Variants in NEGR1 observed in about 807,000 individuals in gnomAD.
NEGR1 encodes the protein neuronal growth regulator 1.
NEGR1 carries 10 observed loss-of-function variants against 40.9 expected under a neutral mutation model. The observed-to-expected ratio is 0.24, with a 90% CI of 0.15 to 0.42. NEGR1 has a LOEUF of 0.42. Ranked by LOEUF, NEGR1 falls within the 10% of genes least tolerant of loss-of-function variation. NEGR1 has a pLI of 1.00. For synonymous variants in NEGR1, 185 were observed against 166.8 expected (o/e 1.11, Z -0.84); for missense variants, 352 against 438.9 (o/e 0.80, Z 1.77).
At chr1:71,536,065 C>T (rs72938089) in intron 6 of NEGR1, among the ~76,000 whole-genome samples, 6,782 of 151,594 alleles carry the variant, frequency 0.045, 510 homozygotes, top group African/African-American at 0.15. Context: ...AGAAATTAAG[C>T]AGACTGTTAG....
chr1:72,208,762 T>A (rs2100459449), intron 1 of NEGR1, among the ~76,000 whole-genome samples: 1 of 151,758 alleles, frequency 6.6e-6, no homozygotes, highest in South Asian at 2.1e-4. Flanking sequence ...ATTTAAAGAG[T>A]TTATTTAGGC....
intron 6 of NEGR1, among the ~76,000 whole-genome samples, chr1:71,560,375 C>A (rs1648407456): frequency 6.8e-6 from 1 of 146,526 alleles, no homozygotes; most frequent in Non-Finnish European, 1.5e-5. Context: ...ACAAATAAAA[C>A]TGATGCCCAT....
chr1:72,211,441 C>G (rs2100463618), intron 1 of NEGR1, among the ~76,000 whole-genome samples: 1 of 151,120 alleles, frequency 6.6e-6, no homozygotes, highest in East Asian at 2.0e-4. Flanking sequence ...AATACAAAAA[C>G]AGAGTTATCA....
intron 1 of NEGR1, among the ~76,000 whole-genome samples, chr1:72,043,478 T>C (rs1646973771): frequency 6.6e-6 from 1 of 151,830 alleles, no homozygotes; most frequent in African/African-American, 2.4e-5. Context: ...CATTTTCTTA[T>C]ACCTATATAT....
At chr1:72,036,373 T>A (rs751191943) in intron 1 of NEGR1, among the ~76,000 whole-genome samples, 1 of 152,032 alleles carries the variant, frequency 6.6e-6, no homozygotes, top group Non-Finnish European at 1.5e-5. Flanking sequence ...AAAGCCATAT[T>A]GGCTGGGCAC....
intron 1 of NEGR1, among the ~76,000 whole-genome samples, chr1:72,020,599 G>GA (rs141201440): frequency 0.17 from 26,422 of 151,906 alleles, 2,936 homozygotes; most frequent in East Asian, 0.44. Context: ...TCAAACAACA[G>GA]AAAAAGATAT....
chr1:71,754,243 A>G (rs951080083), intron 3 of NEGR1, among the ~76,000 whole-genome samples: 4 of 152,150 alleles, frequency 2.6e-5, no homozygotes, highest in Non-Finnish European at 5.9e-5. Flanking sequence ...TGTTGGTCAA[A>G]CAGAGCGCCT....
chr1:72,135,416 C>CCAAAAAAAAAAAAAAAAAAAAAAAAA (rs1650423798), intron 1 of NEGR1, among the ~76,000 whole-genome samples: 1 of 37,328 alleles, frequency 2.7e-5, no homozygotes, highest in Non-Finnish European at 5.6e-5. Context: ...AAAAAAAAAA[C>CCAAAAAAAAAAAAAAAAAAAAAAAAA]AAAACCAAAA....
chr1:71,537,001 G>A (rs982950156), intron 6 of NEGR1, among the ~76,000 whole-genome samples: 1 of 151,540 alleles, frequency 6.6e-6, no homozygotes, highest in Non-Finnish European at 1.5e-5. Context: ...ATACTATTCA[G>A]AGTTCATTGA....
At chr1:71,919,345 A>G (rs1480524007) in intron 2 of NEGR1, among the ~76,000 whole-genome samples, 1 of 152,218 alleles carries the variant, frequency 6.6e-6, no homozygotes, top group Non-Finnish European at 1.5e-5. Flanking sequence ...GGACAGCCTC[A>G]TAGTAATGCT....
chr1:71,802,248 T>C (rs758918822), intron 2 of NEGR1, among the ~76,000 whole-genome samples: 2 of 152,076 alleles, frequency 1.3e-5, no homozygotes, highest in Non-Finnish European at 2.9e-5. Context: ...TTTAGAGAAT[T>C]ATCAGTTTAT....
Position 72,193,220 on chromosome 1 carries a change from T to C in NEGR1, c.176+89099A>G, listed in dbSNP as rs12125180. ...GTCGATGTCACCAAGGTAACACTGATGCTTTATAATTGAAAAGCAAAACAA... is the reference window on the plus strand; with the variant it reads ...GTCGATGTCACCAAGGTAACACTGACGCTTTATAATTGAAAAGCAAAACAA... On this transcript the variant is annotated intron_variant, in intron 1 of 6. Coordinates refer to ENST00000357731, the MANE Select transcript of NEGR1 (RefSeq NM_173808.3). 3.6e-3 allele frequency among the ~76,000 whole-genome samples: 543 copies of C among 151,948 alleles called. 5 individuals are homozygous for C. The highest frequency in any genetic ancestry group is 2.8e-3 in the Non-Finnish European group (189 of 67,838).
intron 4 of NEGR1, among the ~76,000 whole-genome samples, chr1:71,666,013 C>T (rs1405350034): frequency 6.6e-6 from 1 of 152,120 alleles, no homozygotes; most frequent in East Asian, 1.9e-4. Flanking sequence ...CAATAAAAAA[C>T]TAGAGACAGC....
intron 1 of NEGR1, among the ~76,000 whole-genome samples, chr1:72,095,609 G>A (rs182460908): frequency 2.9e-4 from 44 of 151,954 alleles, no homozygotes; most frequent in Middle Eastern, 3.4e-3. Flanking sequence ...TTTGAAAGTC[G>A]AAACCTCTCC....
intron 1 of NEGR1, among the ~76,000 whole-genome samples, chr1:72,049,849 T>C (rs1049296155): frequency 1.3e-5 from 2 of 151,516 alleles, no homozygotes; most frequent in Non-Finnish European, 3.0e-5. Flanking sequence ...AACAGCAAAA[T>C]GCTGGAAACT....
intron 2 of NEGR1, among the ~76,000 whole-genome samples, chr1:71,860,929 A>G (rs1236167372): frequency 6.6e-6 from 1 of 151,988 alleles, no homozygotes; most frequent in Non-Finnish European, 1.5e-5. Context: ...TTAAAATAGT[A>G]TAATTGGGTA....
chr1:72,036,636 A>G (rs1273509229), intron 1 of NEGR1, among the ~76,000 whole-genome samples: 2 of 146,502 alleles, frequency 1.4e-5, no homozygotes, highest in African/African-American at 5.1e-5. Flanking sequence ...AGCCTGGGAG[A>G]CAGAGCGAGA....
At chr1:71,896,621 G>C (rs1357434088) in intron 2 of NEGR1, among the ~76,000 whole-genome samples, 7 of 152,098 alleles carry the variant, frequency 4.6e-5, no homozygotes, top group Admixed American at 4.6e-4. Flanking sequence ...CATTGCCTAA[G>C]CTAAGGTCCT....
rs148803517 is a variant in NEGR1, at chr1:71,696,080, C to T, written c.667+1928G>A. 2.6e-4 allele frequency among the ~76,000 whole-genome samples: 40 copies of T among 151,756 alleles called. No individual in the cohort carries two copies. In the East Asian group the frequency reaches 7.4e-3, roughly 28 times the overall value. On this transcript the variant is annotated intron_variant, in intron 4 of 6. Coordinates refer to ENST00000357731, the MANE Select transcript of NEGR1 (RefSeq NM_173808.3). ...TAATACATTGCCTTTTGTCTTTGTCCACTGTATCCATGAAACTGCTGTAGA... is the reference window on the plus strand; with the variant it reads ...TAATACATTGCCTTTTGTCTTTGTCTACTGTATCCATGAAACTGCTGTAGA...
Sources: gnomAD v4.1 joint callset for allele counts (sites outside exome capture counted in the v4.1 genomes callset) on GRCh38, gnomAD v4.1.1 for gene constraint, MANE v1.5 for transcripts, NCBI Gene and HGNC (gene_info 2026-07-23, HGNC 2026-07-21) for gene names.